Variants in ECH1 observed in about 807,000 individuals in gnomAD.
ECH1 encodes delta(3,5)-Delta(2,4)-dienoyl-CoA isomerase, mitochondrial.
A neutral mutation model predicts 37.0 loss-of-function variants in ECH1; 30 were observed. The observed-to-expected ratio is 0.81, with a 90% CI of 0.61 to 1.10. ECH1 has a LOEUF of 1.10. Among genes scored for constraint, ECH1 ranks in the 50% least tolerant of loss-of-function variants. The pLI is 0.00. For synonymous variants in ECH1, 178 were observed against 176.0 expected (o/e 1.01, Z -0.09); for missense variants, 456 against 441.6 (o/e 1.03, Z -0.29).
In ECH1 at chr19:38,815,556, T is replaced by G; in HGVS notation, c.*57A>C. Reference sequence around the variant, plus strand: ...ACTGTCATCGCCCATCCTCCCTTTCTGTGGATGAGGCGGGACAAGGCCGGC... The same window carrying G: ...ACTGTCATCGCCCATCCTCCCTTTCGGTGGATGAGGCGGGACAAGGCCGGC... On this transcript the variant is annotated 3_prime_UTR_variant, in exon 10 of 10. Transcript: ENST00000221418. 1 of 1,532,576 alleles carries G rather than the reference T, an allele frequency of 6.5e-7. No homozygotes were observed. Among genetic ancestry groups the G allele is most frequent in the Non-Finnish European group, 9.0e-7 (1 of 1,107,240 alleles). 94.9% of individuals were successfully genotyped at this position (1,532,576 alleles called of 1,614,324 possible).
chr19:38,816,371 T>C lies in ECH1; in HGVS notation c.660-16A>G, dbSNP rs537133811. Reference sequence around the variant, plus strand: ...GTTGACCAGGCTGCAAAGGCAAGCGTGCATCAGGAGGCGGCTGCCACCCCG... The same window carrying C: ...GTTGACCAGGCTGCAAAGGCAAGCGCGCATCAGGAGGCGGCTGCCACCCCG... On this transcript the variant is annotated splice_polypyrimidine_tract_variant and intron_variant, in intron 7 of 9. Transcript: ENST00000221418. 2 of 1,613,934 alleles carry C rather than the reference T, an allele frequency of 1.2e-6. No homozygotes were observed. The highest frequency in any genetic ancestry group is 1.7e-5 in the Admixed American group (1 of 59,998).
chr19:38,831,101 C>T lies in ECH1; in HGVS notation c.326G>A (p.Gly109Asp). Residue 109 changes from glycine to aspartate, a missense_variant, in exon 3 of 10, where the codon GGT (glycine) becomes GAT (aspartate). Transcript: ENST00000221418. ...DADCRAVVIS[G>D]AGKMFTAGID... ...ACCTGCAGTGAACATTTTTCCTGCA[C>T]CAGAGATCACCACCGCCCGACAGTC... 1 of 1,613,876 alleles carries T rather than the reference C, an allele frequency of 6.2e-7. No individual in the cohort carries two copies. The highest frequency in any genetic ancestry group is 8.5e-7 in the Non-Finnish European group (1 of 1,179,962).
intron 7 of ECH1, 44 bp from the exon 8 acceptor site, chr19:38,816,399 G>A: frequency 6.2e-7 from 1 of 1,613,884 alleles, no homozygotes; most frequent in African/African-American, 1.3e-5. Flanking sequence ...CCACCCCGGG[G>A]CTGGGAGATG....
intron 9 of ECH1, 49 bp downstream of exon 9, chr19:38,815,803 GTTGGT>G (rs1971564540): frequency 6.2e-7 from 1 of 1,613,120 alleles, no homozygotes; most frequent in South Asian, 1.1e-5. Context: ...CTGCACCCTG[GTTGGT>G]CGCCTGGGGT....
intron 3 of ECH1, among the ~76,000 whole-genome samples, chr19:38,825,892 G>T (rs1190211747): frequency 6.6e-6 from 1 of 152,194 alleles, no homozygotes; most frequent in African/African-American, 2.4e-5. Flanking sequence ...CCAACAACAG[G>T]ACAGAGGGTG....
At position 38,831,449 on chromosome 19, in the gene ECH1, C is replaced by G. The variant is rs1186824870; in HGVS notation, c.120G>C (p.Glu40Asp). The G allele has an allele frequency of 9.9e-6, 16 of 1,614,026 alleles. No homozygotes were observed. Among genetic ancestry groups the G allele is most frequent in the African/African-American group, 1.3e-5 (1 of 74,914 alleles). Residue 40 changes from glutamate (E) to aspartate (D), a missense_variant, in exon 2 of 10, where the codon GAG becomes GAC. Physicochemically the swap from Glu to Asp is conservative, Grantham distance 45 (BLOSUM62 2). Coordinates refer to ENST00000221418, the MANE Select transcript of ECH1 (RefSeq NM_001398.3). ...SLRLTGSSAQ[E>D]EASGVALGEA... ...CACCGAGGGCTACTCCGGAAGCCTCCTCTTGTGCAGAGGAGCCAGTGAGGC... is the reference window on the plus strand; with the variant it reads ...CACCGAGGGCTACTCCGGAAGCCTCGTCTTGTGCAGAGGAGCCAGTGAGGC...
chr19:38,827,108 A>C, intron 3 of ECH1, among the ~76,000 whole-genome samples: 2 of 85,790 alleles, frequency 2.3e-5, no homozygotes, highest in South Asian at 9.6e-4. Context: ...GGAGGAAGGG[A>C]GGAGAGGGAG....
intron 3 of ECH1, chr19:38,819,311 A>C: frequency 1.3e-6 from 1 of 768,402 alleles, no homozygotes. Context: ...CAACAGCCAC[A>C]GACTGACTCC....
At chr19:38,823,635 C>T (rs1394204093) in intron 3 of ECH1, among the ~76,000 whole-genome samples, 11 of 152,082 alleles carry the variant, frequency 7.2e-5, no homozygotes, top group East Asian at 1.9e-4. Context: ...TGGGCTGAGC[C>T]GAGGGTCGAC....
At chr19:38,827,902 G>A (rs1428570559) in intron 3 of ECH1, among the ~76,000 whole-genome samples, 1 of 152,042 alleles carries the variant, frequency 6.6e-6, no homozygotes, top group African/African-American at 2.4e-5. Context: ...TGCTGGGGGT[G>A]CATGTATGGT....
At chr19:38,825,828 G>A (rs1172987041) in intron 3 of ECH1, among the ~76,000 whole-genome samples, 1 of 152,222 alleles carries the variant, frequency 6.6e-6, no homozygotes, top group East Asian at 1.9e-4. Flanking sequence ...ACTGGAAGGT[G>A]CACTGCCCCA....
In ECH1 at chr19:38,815,944, G is replaced by A; in HGVS notation, c.795C>T (p.Ser265=). ...TCTGCACCGCCACGGGGCTCTTGCT[G>A]GAAATCTCGGCCGCCAGCGCTAAGG... is the stretch of plus-strand genomic sequence containing the variant. ...DAALALAAEI[S]SKSPVAVQST... Residue 265 remains serine (S), a synonymous_variant, in exon 9 of 10, where the codon TCC becomes TCT. Coordinates refer to ENST00000221418, the MANE Select transcript of ECH1 (RefSeq NM_001398.3). 6.2e-7 allele frequency: 1 copy of A among 1,614,170 alleles called. No individual in the cohort carries two copies. Among genetic ancestry groups the A allele is most frequent in the South Asian group, 1.1e-5 (1 of 91,084 alleles).
At chr19:38,822,934 T>G (rs1971685913) in intron 3 of ECH1, 1 of 152,612 alleles carries the variant, frequency 6.6e-6, no homozygotes, top group Admixed American at 6.5e-5. Context: ...GGGTCCACAC[T>G]GCCTTTATGA....
intron 3 of ECH1, 111 bp from the exon 4 acceptor site, chr19:38,817,686 G>A (rs758847531): frequency 3.9e-5 from 56 of 1,433,386 alleles, no homozygotes; most frequent in African/African-American, 1.9e-4. Flanking sequence ...CCACCAAGGC[G>A]GAAAAAAAAC....
rs1971825208 is a variant in ECH1, at chr19:38,831,515, T to A, written c.54A>T (p.Arg18=). ...SRRLRDLLTR[R]LTGSNYPGLS... ...GTCCCGGGTAGTTGGAGCCTGTCAG[T>A]CCTGGGGAGAAAGGAACAGCCTTTG... Residue 18 remains arginine (R), a splice_region_variant and synonymous_variant, in exon 2 of 10, where the codon CGA becomes CGT. Coordinates refer to ENST00000221418, the MANE Select transcript of ECH1 (RefSeq NM_001398.3). 6.2e-7 allele frequency: 1 copy of A among 1,613,012 alleles called. No homozygotes were observed. The highest frequency in any genetic ancestry group is 8.5e-7 in the Non-Finnish European group (1 of 1,179,366).
At chr19:38,830,351 C>T (rs1239299850) in intron 3 of ECH1, among the ~76,000 whole-genome samples, 1 of 152,170 alleles carries the variant, frequency 6.6e-6, no homozygotes, top group African/African-American at 2.4e-5. Flanking sequence ...TATGCTGACA[C>T]AGCTATAGGC....
chr19:38,829,634 G>A (rs1417957428), intron 3 of ECH1, among the ~76,000 whole-genome samples: 3 of 151,946 alleles, frequency 2.0e-5, no homozygotes, highest in South Asian at 2.1e-4. Flanking sequence ...TGGCTAACAC[G>A]GTGAAACCCC....
chr19:38,815,545 T>C lies in ECH1; in HGVS notation c.*68A>G. On this transcript the variant is annotated 3_prime_UTR_variant, in exon 10 of 10. Coordinates refer to ENST00000221418, the MANE Select transcript of ECH1 (RefSeq NM_001398.3). ...GCATAGAAACAACTGTCATCGCCCA[T>C]CCTCCCTTTCTGTGGATGAGGCGGG... 1 of 1,462,322 alleles carries C rather than the reference T, an allele frequency of 6.8e-7. No homozygotes were observed. The highest frequency in any genetic ancestry group is 9.6e-7 in the Non-Finnish European group (1 of 1,044,438). The allele number at this position is 1,462,322 out of a possible 1,614,324, so 90.6% of individuals were successfully genotyped here.
At chr19:38,823,026 T>G (rs901879702) in intron 3 of ECH1, 3 of 152,106 alleles carry the variant, frequency 2.0e-5, no homozygotes, top group Non-Finnish European at 4.4e-5. Flanking sequence ...AATGAACAAC[T>G]CCGGACGGGA....
Sources: gnomAD v4.1 joint callset for allele counts (sites outside exome capture counted in the v4.1 genomes callset) on GRCh38, gnomAD v4.1.1 for gene constraint, MANE v1.5 for transcripts, NCBI Gene and HGNC (gene_info 2026-07-23, HGNC 2026-07-21) for gene names.